PCLO: variants seen among roughly 807,000 people sequenced by gnomAD.
PCLO encodes the protein piccolo presynaptic cytomatrix protein, also known as protein piccolo.
In PCLO, 82 loss-of-function variants were observed where a neutral mutation model predicts 427.5. The ratio of observed to expected loss-of-function variants is 0.19; its 90% CI spans 0.16 to 0.23. The LOEUF (loss-of-function observed/expected upper bound fraction) is 0.23. Among genes scored for constraint, PCLO ranks in the 10% least tolerant of loss-of-function variants. The pLI, the probability that PCLO is intolerant of heterozygous loss-of-function variation, is 1.00. For synonymous variants in PCLO, 2,357 were observed against 2,155.4 expected, an observed-to-expected ratio of 1.09 and a Z score of -2.59; for missense variants, 6,239 against 6,115.9, an observed-to-expected ratio of 1.02 and a Z score of -0.67.
chr7:82,925,982 T>TA (rs1794703997), intron 6 of PCLO, among the ~76,000 whole-genome samples: 1 of 151,936 alleles, frequency 6.6e-6, no homozygotes, highest in Non-Finnish European at 1.5e-5. Flanking sequence ...GCTGCCCCAA[T>TA]TGTTGGGATT....
chr7:83,143,642 CAAAA>C (rs36020139), intron 2 of PCLO, among the ~76,000 whole-genome samples: 2 of 103,300 alleles, frequency 1.9e-5, no homozygotes, highest in Non-Finnish European at 2.1e-5. Flanking sequence ...CAGGATTGCC[CAAAA>C]AAAAAAAAAA....
At chr7:82,871,914 A>G (rs1225565448) in intron 10 of PCLO, among the ~76,000 whole-genome samples, 1 of 152,022 alleles carries the variant, frequency 6.6e-6, no homozygotes, top group Admixed American at 6.6e-5. Context: ...GAAGGAAAAA[A>G]AAACTAAAAT....
chr7:83,004,621 T>C (rs1562913363), intron 3 of PCLO, among the ~76,000 whole-genome samples: 1 of 125,186 alleles, frequency 8.0e-6, no homozygotes, highest in African/African-American at 3.3e-5. Context: ...CAATGATTTT[T>C]TAGATATAAC....
chr7:82,835,530 G>C, intron 16 of PCLO, 137 bp downstream of exon 16: 1 of 643,038 alleles, frequency 1.6e-6, no homozygotes, highest in East Asian at 2.8e-5. Flanking sequence ...TCGCAGTGCT[G>C]ATTCAATAGA....
intron 3 of PCLO, among the ~76,000 whole-genome samples, chr7:83,097,394 C>A (rs1241306197): frequency 6.9e-6 from 1 of 145,090 alleles, no homozygotes; most frequent in Non-Finnish European, 1.5e-5. Context: ...TGGTGGCGGG[C>A]GCCTGTAGTC....
intron 10 of PCLO, among the ~76,000 whole-genome samples, chr7:82,860,672 G>T (rs760360798): frequency 2.0e-5 from 3 of 151,924 alleles, no homozygotes; most frequent in Non-Finnish European, 2.9e-5. Flanking sequence ...TTATTATAAC[G>T]CTGTAACTGT....
intron 3 of PCLO, among the ~76,000 whole-genome samples, chr7:83,102,032 T>A (rs1206068566): frequency 6.6e-6 from 1 of 152,014 alleles, no homozygotes; most frequent in Non-Finnish European, 1.5e-5. Flanking sequence ...GGGGAAAACG[T>A]TTTTGTTAGA....
chr7:83,034,256 T>A (rs952654994), intron 3 of PCLO, among the ~76,000 whole-genome samples: 6 of 152,194 alleles, frequency 3.9e-5, no homozygotes, highest in Non-Finnish European at 8.8e-5. Context: ...TAGCATGATC[T>A]CAGATCACTG....
Position 82,954,682 on chromosome 7 carries a change from T to C in PCLO, c.6271A>G (p.Met2091Val). ...SPTQAPIGED[M>V]TESTMDFDRM... is the part of the protein sequence containing the mutation. The stretch of plus-strand genomic sequence containing the variant: ...TCAAAGTCCATGGTGGACTCTGTCA[T>C]ATCCTCACCAATGGGGGCCTGGGTT... The change falls in exon 5 of 25, where the codon ATG (methionine) becomes GTG (valine). Residue 2091 changes from methionine to valine, a missense_variant. Met to Val is a conservative substitution (Grantham distance 21). Transcript: ENST00000333891. 3.1e-6 allele frequency: 5 copies of C among 1,613,900 alleles called. No homozygotes were observed. Among genetic ancestry groups the C allele is most frequent in the Non-Finnish European group, 4.2e-6 (5 of 1,179,834 alleles).
At chr7:82,961,319 C>G (rs1795651211) in intron 4 of PCLO, among the ~76,000 whole-genome samples, 1 of 152,088 alleles carries the variant, frequency 6.6e-6, no homozygotes, top group Admixed American at 6.6e-5. Flanking sequence ...AGCATCAGTG[C>G]ACGTAGAAAA....
intron 3 of PCLO, among the ~76,000 whole-genome samples, chr7:83,021,613 A>T (rs988469570): frequency 7.2e-5 from 11 of 152,116 alleles, no homozygotes; most frequent in African/African-American, 2.7e-4. Context: ...TCCCATGTGC[A>T]TTTCCTGATA....
chr7:82,918,462 T>C (rs576250742), intron 6 of PCLO, among the ~76,000 whole-genome samples: 1 of 152,056 alleles, frequency 6.6e-6, no homozygotes, highest in African/African-American at 2.4e-5. Flanking sequence ...CTTTCACTTG[T>C]AAAAAAGTAC....
chr7:83,162,225 G>T, intron 1 of PCLO, 120 bp downstream of exon 1: 1 of 1,195,058 alleles, frequency 8.4e-7, no homozygotes, highest in Non-Finnish European at 1.1e-6. Flanking sequence ...CCCCACTGGG[G>T]AGAATAAAAT....
chr7:82,960,298 C>A (rs1412957583), intron 4 of PCLO, among the ~76,000 whole-genome samples: 1 of 152,154 alleles, frequency 6.6e-6, no homozygotes, highest in Admixed American at 6.5e-5. Context: ...CAATAAAATT[C>A]ACTGGACCTG....
chr7:82,989,277 G>A (rs2115829361), intron 3 of PCLO, among the ~76,000 whole-genome samples: 1 of 152,164 alleles, frequency 6.6e-6, no homozygotes, highest in East Asian at 1.9e-4. Flanking sequence ...GCAATCCAAT[G>A]AAGTACTAAA....
At chr7:82,948,896 C>T (rs529751080) in intron 6 of PCLO, among the ~76,000 whole-genome samples, 2 of 152,146 alleles carry the variant, frequency 1.3e-5, no homozygotes, top group African/African-American at 2.4e-5. Flanking sequence ...GATTATATCA[C>T]ACTTTTATCT....
rs1795529472 is a variant in PCLO at position 82,956,632 on chromosome 7, C to T, written c.4321G>A (p.Val1441Ile). Reference protein sequence around the residue: ...KSEKKTQPHEVSPEQPKDQEK... With the variant: ...KSEKKTQPHEISPEQPKDQEK... ...TGGTCTTTAGGCTGTTCAGGAGAAA[C>T]TTCATGGGGTTGTGTTTTCTTTTCT... Residue 1441 changes from valine to isoleucine, a missense_variant, in exon 5 of 25, where the codon GTT (valine) becomes ATT (isoleucine). Transcript: ENST00000333891. 2 of 1,613,678 alleles carry T rather than the reference C, an allele frequency of 1.2e-6. No homozygotes were observed. The highest frequency in any genetic ancestry group is 1.3e-5 in the African/African-American group (1 of 74,890).
chr7:83,025,474 C>A lies in PCLO; in HGVS notation c.3301-58987G>T, dbSNP rs1296837545. Among the ~76,000 whole-genome samples the A allele has an allele frequency of 4.0e-5, 6 of 151,718 alleles. No individual in the cohort carries two copies. The South Asian group carries it at 1.3e-3, about 32-fold the overall frequency. On this transcript the variant is annotated intron_variant, in intron 3 of 24. Coordinates refer to ENST00000333891, the MANE Select transcript of PCLO (RefSeq NM_033026.6). The stretch of plus-strand genomic sequence containing the variant: ...CTATGTGAAAAGACCAAATCTACAT[C>A]TGATTGGTGTACCTGAAAGTGATGG...
chr7:83,101,647 G>A (rs1790742220), intron 3 of PCLO, among the ~76,000 whole-genome samples: 2 of 152,108 alleles, frequency 1.3e-5, no homozygotes, highest in Admixed American at 1.3e-4. Flanking sequence ...TAATTTGAAT[G>A]GTATGTGTTT....
Sources: gnomAD v4.1 joint callset for allele counts (sites outside exome capture counted in the v4.1 genomes callset) on GRCh38, gnomAD v4.1.1 for gene constraint, MANE v1.5 for transcripts, NCBI Gene and HGNC (gene_info 2026-07-23, HGNC 2026-07-21) for gene names.